The following FES variants were observed in gnomAD, a reference collection of about 807,000 sequenced individuals.
FES encodes FES proto-oncogene, tyrosine kinase, also known as tyrosine-protein kinase Fes/Fps.
A neutral mutation model predicts 109.6 loss-of-function variants in FES; 83 were observed. The observed-to-expected ratio is 0.76, with a 90% CI of 0.63 to 0.91. The LOEUF is 0.91. Ranked by LOEUF, FES falls within the 40% of genes least tolerant of loss-of-function variation. FES has a pLI of 0.00. For missense variants in FES, 943 were observed against 1,070.9 expected, an observed-to-expected ratio of 0.88 and a Z score of 1.67; for synonymous variants, 458 against 442.1, an observed-to-expected ratio of 1.04 and a Z score of -0.45.
In FES at chr15:90,891,101, C is replaced by A. The variant is rs747428833; in HGVS notation, c.1440C>A (p.Phe480Leu). The A allele has an allele frequency of 6.3e-7, 1 of 1,589,662 alleles. No homozygotes were observed. The highest frequency in any genetic ancestry group is 8.6e-7 in the Non-Finnish European group (1 of 1,167,878). Residue 480 changes from phenylalanine to leucine, a missense_variant, in exon 11 of 19, where the codon TTC becomes TTA. Physicochemically the swap from Phe to Leu is conservative, Grantham distance 22. Transcript: ENST00000328850. Reference sequence around the variant, plus strand: ...AGCTGCTGGTGCACTCTGGGGACTTCCTGGTGCGGGAGAGCCAGGGCAAGC... The same window carrying A: ...AGCTGCTGGTGCACTCTGGGGACTTACTGGTGCGGGAGAGCCAGGGCAAGC... ...VAELLVHSGD[F>L]LVRESQGKQE...
At chr15:90,891,439 C>T in intron 11 of FES, 115 bp from the exon 12 acceptor site, 1 of 1,438,216 alleles carries the variant, frequency 7.0e-7, no homozygotes, top group Non-Finnish European at 9.6e-7. Flanking sequence ...CTGGAGGTCT[C>T]TCTGCCCCTG....
In FES at chr15:90,892,823, G is replaced by A. The variant is rs757387629; in HGVS notation, c.1824G>A (p.Ala608=). 32 of 1,613,038 alleles carry A rather than the reference G, an allele frequency of 2.0e-5. No individual in the cohort carries two copies. The Middle Eastern group carries it at 2.3e-3, about 116-fold the overall frequency. The stretch of plus-strand genomic sequence containing the variant: ...TCAAGGCCAAGTTTCTACAGGAAGC[G>A]AGGTGGGTGATAAACTAATGATCAC... The part of the protein sequence containing the change: ...PDLKAKFLQE[A]RILKQYSHPN... Residue 608 remains alanine, a splice_region_variant and synonymous_variant, in exon 14 of 19, where the codon GCG becomes GCA. Coordinates refer to ENST00000328850, the MANE Select transcript of FES (RefSeq NM_002005.4).
rs981580803 is a variant in FES at position 90,890,040 on chromosome 15, C to T, written c.1050-52C>T. 3.9e-5 allele frequency: 62 copies of T among 1,581,000 alleles called. No individual in the cohort carries two copies. The Middle Eastern group carries it at 5.1e-4, about 13-fold the overall frequency. ...ACCCTAACTGCTGCTGGCTACCCGC[C>T]GCAGACCGAGCCCTTATTCTCATCC... On this transcript the variant is annotated intron_variant, in intron 8 of 18. Transcript: ENST00000328850.
chr15:90,884,998 C>T (rs1368067373), intron 1 of FES, 39 bp from the exon 2 acceptor site: 2 of 1,522,008 alleles, frequency 1.3e-6, no homozygotes, highest in Admixed American at 1.9e-5. Flanking sequence ...TCTCCAGCTG[C>T]TGCCTTGCCT....
rs2033400027 is a variant in FES at position 90,893,272 on chromosome 15, G to A, written c.1922-19G>A. On this transcript the variant is annotated intron_variant, in intron 15 of 18. Transcript: ENST00000328850. ...AGCCTTACCTCAGGAGGCTCAGCAGGGGTCCTCCCCACCTGCAGGGGGCGA... is the reference window on the plus strand; with the variant it reads ...AGCCTTACCTCAGGAGGCTCAGCAGAGGTCCTCCCCACCTGCAGGGGGCGA... The A allele has an allele frequency of 2.5e-6, 4 of 1,609,916 alleles. No homozygotes were observed. Among genetic ancestry groups the A allele is most frequent in the African/African-American group, 1.3e-5 (1 of 74,904 alleles).
rs1454163363 is a variant in FES at position 90,891,064 on chromosome 15, C to G, written c.1403C>G (p.Ala468Gly). The G allele has an allele frequency of 6.3e-7, 1 of 1,598,482 alleles. No homozygotes were observed. Among genetic ancestry groups the G allele is most frequent in the East Asian group, 2.3e-5 (1 of 44,428 alleles). Residue 468 changes from alanine to glycine, a missense_variant, in exon 11 of 19, where the codon GCA becomes GGA. Transcript: ENST00000328850. Reference sequence around the variant, plus strand: ...TGGTACCACGGGGCCATCCCGAGGGCAGAGGTGGCTGAGCTGCTGGTGCAC... The same window carrying G: ...TGGTACCACGGGGCCATCCCGAGGGGAGAGGTGGCTGAGCTGCTGGTGCAC... Reference protein sequence around the residue: ...QLWYHGAIPRAEVAELLVHSG... With the variant: ...QLWYHGAIPRGEVAELLVHSG...
chr15:90,886,014 C>T (rs763091442), intron 3 of FES, among the ~76,000 whole-genome samples: 104 of 152,316 alleles, frequency 6.8e-4, no homozygotes, highest in Non-Finnish European at 1.2e-3. Context: ...GGATTCGGGC[C>T]GTGAAGTCAG....
intron 3 of FES, 92 bp from the exon 4 acceptor site, chr15:90,886,869 G>A: frequency 8.2e-7 from 1 of 1,220,042 alleles, no homozygotes; most frequent in Admixed American, 1.9e-5. Context: ...CTCCTTGCCT[G>A]ACGACAGGAC....
Position 90,891,092 on chromosome 15 carries a change from T to TG in FES, c.1435dup (p.Asp479GlyfsTer33). ...AGGTGGCTGAGCTGCTGGTGCACTC[T>TG]GGGGACTTCCTGGTGCGGGAGAGCC... On this transcript the variant is annotated frameshift_variant, in exon 11 of 19. Transcript: ENST00000328850. LOFTEE classifies it high-confidence loss of function. 6.3e-7 allele frequency: 1 copy of TG among 1,592,954 alleles called. No individual in the cohort carries two copies. The highest frequency in any genetic ancestry group is 8.5e-7 in the Non-Finnish European group (1 of 1,169,648).
In FES at chr15:90,893,347, C is replaced by G; in HGVS notation, c.1978C>G (p.Leu660Val). Reference protein sequence around the residue: ...TEGARLRVKTLLQMVGDAAAG... With the variant: ...TEGARLRVKTVLQMVGDAAAG... ...GGGGGCCCGCCTGCGGGTGAAGACT[C>G]TGCTGCAGATGGTGGGGGATGCAGC... Residue 660 changes from leucine to valine, a missense_variant, in exon 16 of 19, where the codon CTG (leucine) becomes GTG (valine). Transcript: ENST00000328850. 1 of 1,572,810 alleles carries G rather than the reference C, an allele frequency of 6.4e-7. No homozygotes were observed. Among genetic ancestry groups the G allele is most frequent in the Non-Finnish European group, 8.6e-7 (1 of 1,158,924 alleles).
rs779454918 is a variant in FES at position 90,895,548 on chromosome 15, G to A, written c.2459G>A (p.Arg820Gln). Residue 820 changes from arginine (R) to glutamine (Q), a missense_variant, in exon 19 of 19, where the codon CGG (arginine) becomes CAG (glutamine). Transcript: ENST00000328850. ...CAGGAGCTGCAGAGCATCCGAAAGC[G>A]GCATCGGTGAGGCTGGGACCCCCTT... ...IYQELQSIRKRHR is the reference protein window; with the variant it reads ...IYQELQSIRKQHR The A allele has an allele frequency of 1.2e-5, 19 of 1,581,428 alleles. No individual in the cohort carries two copies. Among genetic ancestry groups the A allele is most frequent in the African/African-American group, 2.7e-5 (2 of 73,762 alleles).
intron 2 of FES, 62 bp downstream of exon 2, chr15:90,885,320 G>T: frequency 6.3e-7 from 1 of 1,598,276 alleles, no homozygotes; most frequent in Admixed American, 1.7e-5. Context: ...CCTCTCCTGG[G>T]GGCCCTCTGG....
chr15:90,884,945 A>G (rs2151239526), intron 1 of FES, 92 bp from the exon 2 acceptor site: 3 of 1,083,486 alleles, frequency 2.8e-6, no homozygotes, highest in Middle Eastern at 3.1e-4. Context: ...TCTGCAGTCC[A>G]TCCTGACCCT....
chr15:90,895,419 G>T lies in FES; in HGVS notation c.2330G>T (p.Gly777Val). 1 of 1,536,608 alleles carries T rather than the reference G, an allele frequency of 6.5e-7. No homozygotes were observed. Among genetic ancestry groups the T allele is most frequent in the Admixed American group, 2.0e-5 (1 of 49,694 alleles). The change falls in exon 19 of 19, where the codon GGC (glycine) becomes GTC (valine). Residue 777 changes from glycine (G) to valine (V), a missense_variant. Gly to Val is a moderately radical substitution (Grantham distance 109, BLOSUM62 -3). Transcript: ENST00000328850. ...TGTGCTGTGCCTCTCCTCACAGGGGGCCGTCTGCCCTGCCCAGAGCTGTGT... is the reference window on the plus strand; with the variant it reads ...TGTGCTGTGCCTCTCCTCACAGGGGTCCGTCTGCCCTGCCCAGAGCTGTGT... ...QQTREFVEKG[G>V]RLPCPELCPD...
At chr15:90,893,504 G>A in intron 16 of FES, 90 bp downstream of exon 16, 2 of 1,497,848 alleles carry the variant, frequency 1.3e-6, no homozygotes, top group Non-Finnish European at 1.8e-6. Flanking sequence ...TGGACCATCA[G>A]GCATCAGCTC....
chr15:90,895,481 G>A lies in FES; in HGVS notation c.2392G>A (p.Ala798Thr). The A allele has an allele frequency of 6.3e-7, 1 of 1,599,076 alleles. No individual in the cohort carries two copies. Among genetic ancestry groups the A allele is most frequent in the Non-Finnish European group, 8.5e-7 (1 of 1,172,142 alleles). ...GTTCAGGCTCATGGAGCAGTGCTGG[G>A]CCTATGAGCCTGGGCAGCGGCCCAG... ...AVFRLMEQCW[A>T]YEPGQRPSFS... Residue 798 changes from alanine (A) to threonine (T), a missense_variant, in exon 19 of 19, where the codon GCC (alanine) becomes ACC (threonine). By Grantham distance (58) the Ala-to-Thr change is moderately conservative. Coordinates refer to ENST00000328850, the MANE Select transcript of FES (RefSeq NM_002005.4).
Position 90,889,728 on chromosome 15 carries a change from C to A in FES, c.926+92C>A. The stretch of plus-strand genomic sequence containing the variant: ...AGGGCTAGGTCGTGGAGACTGTCCA[C>A]ACAGAGCTGTCACCAGGTGGCCGGG... On this transcript the variant is annotated intron_variant, in intron 7 of 18. Coordinates refer to ENST00000328850, the MANE Select transcript of FES (RefSeq NM_002005.4). This position sits in a 1 kb window ranked among gnomAD's most constrained non-coding sequence, Gnocchi z 6.1. The A allele has an allele frequency of 1.2e-6, 2 of 1,603,302 alleles. No homozygotes were observed. Among genetic ancestry groups the A allele is most frequent in the Non-Finnish European group, 1.7e-6 (2 of 1,175,386 alleles).
intron 1 of FES, 104 bp from the exon 2 acceptor site, chr15:90,884,933 C>A: frequency 1.1e-6 from 1 of 929,010 alleles, no homozygotes; most frequent in Non-Finnish European, 1.6e-6. Flanking sequence ...ACCTCCTCCC[C>A]GTCTGCAGTC....
rs1483866755 is a variant in FES, at chr15:90,885,201, C to A, written c.156C>A (p.Ser52=). The change falls in exon 2 of 19, where the codon TCC becomes TCA. Residue 52 remains serine (S), a synonymous_variant. Coordinates refer to ENST00000328850, the MANE Select transcript of FES (RefSeq NM_002005.4). The part of the protein sequence containing the change: ...REYAGLLHHM[S]LQDSGGQSRA... ...ATGCAGGACTGCTTCACCACATGTC[C>A]CTGCAGGACAGTGGGGGCCAGAGCC... 4 of 1,613,642 alleles carry A rather than the reference C, an allele frequency of 2.5e-6. No individual in the cohort carries two copies. Among genetic ancestry groups the A allele is most frequent in the Admixed American group, 1.7e-5 (1 of 60,012 alleles).
Sources: allele counts gnomAD v4.1 joint callset (sites outside exome capture counted in the v4.1 genomes callset), GRCh38; gene constraint gnomAD v4.1.1; non-coding constraint Gnocchi (gnomAD v3.1); transcripts MANE v1.5; gene names NCBI Gene and HGNC (gene_info 2026-07-23, HGNC 2026-07-21).